Variants in GSG1L observed in about 807,000 individuals in gnomAD.
The protein encoded by GSG1L is GSG1 like.
Under a neutral mutation model 42.1 loss-of-function variants are expected in GSG1L, and 24 were observed. The ratio of observed to expected loss-of-function variants is 0.57; its 90% CI spans 0.41 to 0.80. The LOEUF is 0.80. GSG1L is among the 30% of genes least tolerant of loss of function. GSG1L has a pLI of 0.00. For synonymous variants in GSG1L, 215 were observed against 203.5 expected (o/e 1.06, Z -0.48); for missense variants, 445 against 472.2 (o/e 0.94, Z 0.53).
intron 2 of GSG1L, among the ~76,000 whole-genome samples, chr16:27,896,016 T>A (rs185619611): frequency 6.6e-6 from 1 of 152,300 alleles, no homozygotes; most frequent in African/African-American, 2.4e-5. Context: ...CCTGGGACCC[T>A]GGAGAAAATA....
intron 2 of GSG1L, among the ~76,000 whole-genome samples, chr16:27,891,078 G>A (rs1644588): frequency 0.61 from 92,679 of 151,922 alleles, 28,942 homozygotes; most frequent in Admixed American, 0.73. Flanking sequence ...TGGACATGCC[G>A]GGGGACGTAC....
rs1376193299 is a variant in GSG1L at position 27,789,689 on chromosome 16, A to ATGAT, written c.*1677_*1680dup. 1.3e-5 allele frequency: 1 copy of ATGAT among 75,020 alleles called. No individual in the cohort carries two copies. Among genetic ancestry groups the ATGAT allele is most frequent in the Non-Finnish European group, 2.6e-5 (1 of 37,804 alleles). 4.6% of individuals were successfully genotyped at this position (75,020 alleles called of 1,614,324 possible). On this transcript the variant is annotated 3_prime_UTR_variant, in exon 7 of 7. Transcript: ENST00000447459. ...GAAAGCATAGACAATGAATGGATAGATGATGGATGGATGGATGGATGGATG... is the reference window on the plus strand; with the variant it reads ...GAAAGCATAGACAATGAATGGATAGATGATTGATGGATGGATGGATGGATGGATG...
chr16:27,959,981 T>C (rs1165586688), intron 2 of GSG1L, among the ~76,000 whole-genome samples: 1 of 152,080 alleles, frequency 6.6e-6, no homozygotes, highest in Non-Finnish European at 1.5e-5. Flanking sequence ...TGTGATGCTA[T>C]GGTAAGAAAC....
chr16:27,903,858 G>T (rs2084290413), intron 2 of GSG1L, among the ~76,000 whole-genome samples: 1 of 152,076 alleles, frequency 6.6e-6, no homozygotes, highest in Non-Finnish European at 1.5e-5. Context: ...AGCTGACTCG[G>T]CATTCACTTA....
rs2144369733 is a variant in GSG1L, at chr16:27,788,043, T to C, written c.*3327A>G. 6.6e-6 allele frequency: 1 copy of C among 152,348 alleles called. No individual in the cohort carries two copies. Among genetic ancestry groups the C allele is most frequent in the Non-Finnish European group, 1.5e-5 (1 of 68,034 alleles). The allele number at this position is 152,348 out of a possible 1,614,324, so 9.4% of individuals were successfully genotyped here. ...GAAAGTGAATTAACAAATTGTTCGC[T>C]TGATGAATCAATGCGTGAATGAATG... On this transcript the variant is annotated 3_prime_UTR_variant, in exon 7 of 7. Transcript: ENST00000447459.
At chr16:27,912,780 C>G (rs2084406553) in intron 2 of GSG1L, among the ~76,000 whole-genome samples, 2 of 151,956 alleles carry the variant, frequency 1.3e-5, no homozygotes, top group South Asian at 4.1e-4. Context: ...ATTCTTGCAC[C>G]ATAATACAGG....
rs75220640 is a variant in GSG1L, at chr16:27,987,588, T to C, written c.350-24385A>G. On this transcript the variant is annotated intron_variant, in intron 1 of 6. Transcript: ENST00000447459. ...ACTCGGGACCCAGACAAGCCCTGCC[T>C]TTCATAGCCATCCCTGGGTGCCACG... is the stretch of plus-strand genomic sequence containing the variant. Among the ~76,000 whole-genome samples the C allele has an allele frequency of 4.1e-3, 631 of 152,286 alleles. 6 individuals carry two copies. Among genetic ancestry groups the C allele is most frequent in the African/African-American group, 0.015 (606 of 41,560 alleles).
chr16:28,046,751 G>C (rs933578867), intron 1 of GSG1L, among the ~76,000 whole-genome samples: 3 of 152,154 alleles, frequency 2.0e-5, no homozygotes, highest in African/African-American at 7.2e-5. Flanking sequence ...CCTTGTCCCT[G>C]TTCCTCAAAG....
chr16:28,006,600 C>CCCA, intron 1 of GSG1L, among the ~76,000 whole-genome samples: 1 of 152,206 alleles, frequency 6.6e-6, no homozygotes. Context: ...TGAGCCACCG[C>CCCA]GCCTGCCCCA....
In GSG1L at chr16:27,870,747, T is replaced by C. The variant is rs558686344; in HGVS notation, c.550+13739A>G. On this transcript the variant is annotated intron_variant, in intron 3 of 6. Coordinates refer to ENST00000447459, the MANE Select transcript of GSG1L (RefSeq NM_001109763.2). ...CTGTTTCCCCATCATGGTCGCAGCC[T>C]GGCATCTGCATCCTCCATGACTCCC... Among the ~76,000 whole-genome samples, 197 of 151,662 alleles carry C rather than the reference T, an allele frequency of 1.3e-3. 3 individuals are homozygous for C. The highest frequency in any genetic ancestry group is 4.4e-3 in the African/African-American group (182 of 40,938).
intron 1 of GSG1L, among the ~76,000 whole-genome samples, chr16:28,062,742 C>T (rs1596743895): frequency 6.6e-6 from 1 of 152,320 alleles, no homozygotes; most frequent in East Asian, 1.9e-4. Context: ...AGTTCAGGAG[C>T]GGAAAGCAGC....
intron 1 of GSG1L, among the ~76,000 whole-genome samples, chr16:28,007,374 G>T (rs907483007): frequency 6.6e-6 from 1 of 152,180 alleles, no homozygotes; most frequent in African/African-American, 2.4e-5. Flanking sequence ...GAAAAGGCAA[G>T]GAAACCTCCT....
intron 2 of GSG1L, among the ~76,000 whole-genome samples, chr16:27,896,325 C>T (rs1303342016): frequency 6.6e-6 from 1 of 152,146 alleles, no homozygotes. Flanking sequence ...TGAATAAGGG[C>T]TCTCAAAGGT....
Position 27,822,474 on chromosome 16 carries a change from C to T in GSG1L, c.830+6315G>A, listed in dbSNP as rs569030767. ...TTCCGTAGCCCAGGTGGGAGAGCAG[C>T]GGCGCCATCATAGCTCGCTGAAGCC... On this transcript the variant is annotated intron_variant, in intron 5 of 6. Coordinates refer to ENST00000447459, the MANE Select transcript of GSG1L (RefSeq NM_001109763.2). Among the ~76,000 whole-genome samples the T allele has an allele frequency of 5.9e-5, 9 of 152,216 alleles. 1 individual carries two copies. The highest frequency in any genetic ancestry group is 1.9e-4 in the East Asian group (1 of 5,172).
At chr16:27,870,034 T>C (rs2083795675) in intron 3 of GSG1L, among the ~76,000 whole-genome samples, 1 of 146,566 alleles carries the variant, frequency 6.8e-6, no homozygotes, top group African/African-American at 2.6e-5. Context: ...TCCATCTCTC[T>C]GTCTCCTTCT....
At chr16:27,936,391 G>A (rs1480154789) in intron 2 of GSG1L, among the ~76,000 whole-genome samples, 2 of 152,160 alleles carry the variant, frequency 1.3e-5, no homozygotes, top group Admixed American at 1.3e-4. Context: ...GGACGAGGGT[G>A]GAAGTGAGTT....
At chr16:28,017,688 A>G (rs1197031674) in intron 1 of GSG1L, among the ~76,000 whole-genome samples, 1 of 152,216 alleles carries the variant, frequency 6.6e-6, no homozygotes, top group Non-Finnish European at 1.5e-5. Context: ...AAACTCAAAA[A>G]CATACCGTAC....
At chr16:27,821,137 T>C (rs2083147219) in intron 5 of GSG1L, among the ~76,000 whole-genome samples, 1 of 152,166 alleles carries the variant, frequency 6.6e-6, no homozygotes, top group Non-Finnish European at 1.5e-5. Flanking sequence ...GGAGACTCGA[T>C]TGTGCCACCC....
intron 1 of GSG1L, among the ~76,000 whole-genome samples, chr16:27,973,052 T>A (rs2085210948): frequency 1.3e-5 from 2 of 152,208 alleles, no homozygotes; most frequent in Non-Finnish European, 2.9e-5. Context: ...CCTCCCATCT[T>A]TCTGTGCCTT....
Sources: allele counts gnomAD v4.1 joint callset (sites outside exome capture counted in the v4.1 genomes callset), GRCh38; gene constraint gnomAD v4.1.1; transcripts MANE v1.5; gene names NCBI Gene and HGNC (gene_info 2026-07-23, HGNC 2026-07-21).